The following MACF1 variants were observed in gnomAD, a reference collection of about 807,000 sequenced individuals.
The protein encoded by MACF1 is microtubule actin crosslinking factor 1, also known as microtubule-actin cross-linking factor 1.
Under a neutral mutation model 854.8 loss-of-function variants are expected in MACF1, and 193 were observed. The observed-to-expected ratio is 0.23, with a 90% confidence interval of 0.20 to 0.25. MACF1 has a LOEUF of 0.25. Ranked by LOEUF, MACF1 falls within the 10% of genes least tolerant of loss-of-function variation. The pLI is 1.00. For missense variants in MACF1, 7,722 were observed against 8,929.1 expected (o/e 0.86, Z 5.45); for synonymous variants, 3,185 against 3,226.7 (o/e 0.99, Z 0.44).
rs1420977615 is a variant in MACF1, at chr1:39,350,781, T to C, written c.10966-4T>C. 1 of 1,610,194 alleles carries C rather than the reference T, an allele frequency of 6.2e-7. No individual in the cohort carries two copies. On this transcript the variant is annotated splice_region_variant and splice_polypyrimidine_tract_variant and intron_variant, in intron 42 of 100. Coordinates refer to ENST00000564288, the MANE Select transcript of MACF1 (RefSeq NM_001394062.1). ...CTCTGCCATTCCTATTTTCTTGTGT[T>C]AAGGATTTACAGGATGACATTCAGA...
chr1:39,310,034 G>A (rs1487274068), intron 24 of MACF1, among the ~76,000 whole-genome samples: 2 of 152,146 alleles, frequency 1.3e-5, no homozygotes, highest in African/African-American at 4.8e-5. Flanking sequence ...ATGTCCAGTG[G>A]GGCACAAAGG....
At chr1:39,352,065 A>C (rs775721790) in intron 43 of MACF1, among the ~76,000 whole-genome samples, 1 of 152,040 alleles carries the variant, frequency 6.6e-6, no homozygotes, top group Non-Finnish European at 1.5e-5. Flanking sequence ...TCTGCACCCC[A>C]CTCAGCACTG....
chr1:39,167,706 CAAAAA>C (rs1343089177), intron 2 of MACF1, among the ~76,000 whole-genome samples: 1 of 148,682 alleles, frequency 6.7e-6, no homozygotes, highest in African/African-American at 2.5e-5. Context: ...AACTCTGTCT[CAAAAA>C]AGAAAAAAAA....
At chr1:39,180,997 CCGGGTT>C (rs1476546038) in intron 2 of MACF1, among the ~76,000 whole-genome samples, 3 of 152,196 alleles carry the variant, frequency 2.0e-5, no homozygotes, top group African/African-American at 7.2e-5. Context: ...CCTCTGCCTC[CCGGGTT>C]CAAGTGATTC....
intron 2 of MACF1, among the ~76,000 whole-genome samples, chr1:39,163,340 C>CAAAAAAAAAAAAAAAAA (rs11371076): frequency 1.2e-5 from 1 of 80,352 alleles, no homozygotes; most frequent in Non-Finnish European, 2.2e-5. Flanking sequence ...AAGACTGTCT[C>CAAAAAAAAAAAAAAAAA]AAAAAAAAAA....
At chr1:39,093,717 CT>C (rs1374555056) in intron 2 of MACF1, among the ~76,000 whole-genome samples, 1 of 151,998 alleles carries the variant, frequency 6.6e-6, no homozygotes, top group African/African-American at 2.4e-5. Flanking sequence ...ATCTCTTGAC[CT>C]TGTGATCTGC....
intron 58 of MACF1, chr1:39,411,780 C>T (rs1261477358): frequency 3.1e-6 from 5 of 1,613,542 alleles, no homozygotes; most frequent in Non-Finnish European, 2.5e-6. Context: ...AAAATTTACT[C>T]GTAATTAGTC....
chr1:39,462,549 C>CA (rs11304821), intron 93 of MACF1, among the ~76,000 whole-genome samples: 5 of 138,048 alleles, frequency 3.6e-5, no homozygotes, highest in South Asian at 2.4e-4. Flanking sequence ...TCCCCCCCGC[C>CA]AAAAAAAAAA....
chr1:39,331,886 G>A lies in MACF1; in HGVS notation c.5298G>A (p.Leu1766=). 1 of 1,614,106 alleles carries A rather than the reference G, an allele frequency of 6.2e-7. No homozygotes were observed. The highest frequency in any genetic ancestry group is 8.5e-7 in the Non-Finnish European group (1 of 1,180,012). ...LIDRQVTVRL[L]EAQLFAGGIV... ...ATAGGCAGGTCACTGTCCGGTTGCT[G>A]GAAGCTCAGCTTTTTGCTGGTGGCA... Residue 1766 remains leucine (L), a synonymous_variant, in exon 37 of 101, where the codon CTG becomes CTA. Coordinates refer to ENST00000564288, the MANE Select transcript of MACF1 (RefSeq NM_001394062.1).
At chr1:39,361,965 T>TA (rs1648222172) in intron 49 of MACF1, among the ~76,000 whole-genome samples, 1 of 152,232 alleles carries the variant, frequency 6.6e-6, no homozygotes, top group African/African-American at 2.4e-5. Flanking sequence ...TTCATCCTGA[T>TA]ATAAGCTTTC....
At position 39,387,559 on chromosome 1, in the gene MACF1, A is replaced by G; in HGVS notation, c.14717A>G (p.Gln4906Arg). 5 of 1,614,164 alleles carry G rather than the reference A, an allele frequency of 3.1e-6. No individual in the cohort carries two copies. Among genetic ancestry groups the G allele is most frequent in the Non-Finnish European group, 4.2e-6 (5 of 1,180,034 alleles). The part of the protein sequence containing the change: ...SRLKDCMQKA[Q>R]KYQWHVEDLV... ...CTCAAGGATTGTATGCAGAAAGCTCAGAAATATCAGTGGCATGTGGAAGAC... is the reference window on the plus strand; with the variant it reads ...CTCAAGGATTGTATGCAGAAAGCTCGGAAATATCAGTGGCATGTGGAAGAC... Residue 4906 changes from glutamine to arginine, a missense_variant, in exon 58 of 101, where the codon CAG (glutamine) becomes CGG (arginine). Gln to Arg is a conservative substitution (Grantham distance 43). This residue lies in a region of MACF1 where 2,807 missense variants were observed against 3,235.8 expected (regional missense o/e 0.87). Coordinates refer to ENST00000564288, the MANE Select transcript of MACF1 (RefSeq NM_001394062.1).
rs999898355 is a variant in MACF1, at chr1:39,301,314, G to T, written c.2634+952G>T. On this transcript the variant is annotated intron_variant, in intron 22 of 100. Coordinates refer to ENST00000564288, the MANE Select transcript of MACF1 (RefSeq NM_001394062.1). ...CCTAAGTTTTTGTATTTTTAGTAGA[G>T]ATGGGGTTTCACTGTGTTAGCCAGG... is the stretch of plus-strand genomic sequence containing the variant. Among the ~76,000 whole-genome samples, 8 of 152,016 alleles carry T rather than the reference G, an allele frequency of 5.3e-5. 1 individual carries two copies. The highest frequency in any genetic ancestry group is 5.2e-4 in the Admixed American group (8 of 15,262).
chr1:39,297,066 G>C (rs2148409264), intron 20 of MACF1, among the ~76,000 whole-genome samples: 1 of 152,004 alleles, frequency 6.6e-6, no homozygotes, highest in African/African-American at 2.4e-5. Context: ...TGGGACTACA[G>C]GCGCCCACCA....
intron 90 of MACF1, chr1:39,458,726 G>T (rs2296175): frequency 1.8e-6 from 1 of 544,524 alleles, no homozygotes; most frequent in African/African-American, 1.9e-5. Flanking sequence ...TTTTTTAACA[G>T]TGGCCTTTCC....
chr1:39,233,469 C>T (rs1048112560), intron 2 of MACF1, among the ~76,000 whole-genome samples: 14 of 152,170 alleles, frequency 9.2e-5, no homozygotes, highest in African/African-American at 3.4e-4. Flanking sequence ...GTGACGTAAA[C>T]CCCTGAGGCC....
intron 6 of MACF1, chr1:39,268,766 A>T: frequency 7.8e-7 from 1 of 1,289,708 alleles, no homozygotes; most frequent in South Asian, 1.2e-5. Context: ...AGGCTCCCAT[A>T]TCTCCTAAGA....
chr1:39,317,340 C>T lies in MACF1; in HGVS notation c.3715C>T (p.Arg1239Cys), dbSNP rs765564021. Residue 1239 changes from arginine (R) to cysteine (C), a missense_variant, in exon 29 of 101, where the codon CGC (arginine) becomes TGC (cysteine). Physicochemically the swap from Arg to Cys is radical, Grantham distance 180. Coordinates refer to ENST00000564288, the MANE Select transcript of MACF1 (RefSeq NM_001394062.1). ...LTPERNLDLE[R>C]YQEKGSQLQE... is the part of the protein sequence containing the mutation. ...ACCAGAGCGAAATCTGGATTTGGAG[C>T]GCTATCAGGAAAAAGGCTCCCAGCT... 8.1e-6 allele frequency: 13 copies of T among 1,613,706 alleles called. No homozygotes were observed. In the Admixed American group the frequency reaches 1.2e-4, roughly 14 times the overall value.
intron 58 of MACF1, among the ~76,000 whole-genome samples, chr1:39,398,139 C>CTTT (rs750827427): frequency 3.7e-5 from 5 of 134,312 alleles, no homozygotes; most frequent in Admixed American, 2.2e-4. Context: ...CCCGCCACTC[C>CTTT]TTTTTTTTTT....
intron 59 of MACF1, 94 bp downstream of exon 59, chr1:39,422,629 A>G (rs1643583731): frequency 1.3e-6 from 2 of 1,539,486 alleles, no homozygotes; most frequent in Admixed American, 4.0e-5. Context: ...AATGGAAATA[A>G]AAATTTAGCA....
Sources: gnomAD v4.1 joint callset for allele counts (sites outside exome capture counted in the v4.1 genomes callset) on GRCh38, gnomAD v4.1.1 for gene constraint, gnomAD v4.1.1 regional missense constraint, MANE v1.5 for transcripts, NCBI Gene and HGNC (gene_info 2026-07-23, HGNC 2026-07-21) for gene names.